SLC41A2: variants seen among roughly 807,000 people sequenced by gnomAD.
The protein encoded by SLC41A2 is SLC41A1-like 1.
In SLC41A2, 32 loss-of-function variants were observed where a neutral mutation model predicts 58.3. That is an observed-to-expected ratio of 0.55 (90% confidence interval 0.41 to 0.74). SLC41A2 has a LOEUF of 0.74. Among genes scored for constraint, SLC41A2 ranks in the 30% least tolerant of loss-of-function variants. SLC41A2 has a pLI of 0.00. For missense variants in SLC41A2, 514 were observed against 680.6 expected, an observed-to-expected ratio of 0.76 and a Z score of 2.72; for synonymous variants, 190 against 235.0, an observed-to-expected ratio of 0.81 and a Z score of 1.75.
chr12:104,924,491 TC>T (rs1403650789), intron 2 of SLC41A2, among the ~76,000 whole-genome samples: 14 of 152,198 alleles, frequency 9.2e-5, no homozygotes, highest in Non-Finnish European at 1.9e-4. Flanking sequence ...ACGCCTGTAA[TC>T]CCAGCACTTT....
chr12:104,833,452 A>G (rs1172311190), intron 10 of SLC41A2, among the ~76,000 whole-genome samples: 1 of 152,224 alleles, frequency 6.6e-6, no homozygotes, highest in Admixed American at 6.5e-5. Flanking sequence ...CAGAAGATCA[A>G]TAGTTGGCTC....
chr12:104,805,663 A>T (rs2040867320), intron 10 of SLC41A2, among the ~76,000 whole-genome samples: 1 of 152,208 alleles, frequency 6.6e-6, no homozygotes, highest in African/African-American at 2.4e-5. Context: ...AAACCTGTGA[A>T]AAAGGAAGAC....
At chr12:104,916,478 A>AAGTTCAT (rs2046326861) in intron 2 of SLC41A2, among the ~76,000 whole-genome samples, 2 of 152,124 alleles carry the variant, frequency 1.3e-5, no homozygotes, top group Admixed American at 1.3e-4. Context: ...AACTACTTTA[A>AAGTTCAT]AGTTCATATG....
At chr12:104,953,106 G>A (rs999274380) in intron 1 of SLC41A2, among the ~76,000 whole-genome samples, 1 of 152,276 alleles carries the variant, frequency 6.6e-6, no homozygotes, top group South Asian at 2.1e-4. Flanking sequence ...TGCCTGTCAC[G>A]TATTAGACAT....
At chr12:104,884,884 G>A (rs776043100) in intron 6 of SLC41A2, among the ~76,000 whole-genome samples, 3 of 152,148 alleles carry the variant, frequency 2.0e-5, no homozygotes, top group Non-Finnish European at 4.4e-5. Context: ...AGAATATTAA[G>A]CCACATTTTC....
intron 3 of SLC41A2, among the ~76,000 whole-genome samples, chr12:104,897,152 T>TC (rs1477720964): frequency 6.8e-6 from 1 of 147,688 alleles, no homozygotes; most frequent in Non-Finnish European, 1.5e-5. Context: ...TTCTTTTTTT[T>TC]TTTTTTTTTT....
At position 104,830,178 on chromosome 12, in the gene SLC41A2, C is replaced by A. The variant is rs112796294; in HGVS notation, c.1536+14294G>T. ...AGCTTTGGAGTAATATAAGGCTAAGCTCAAATCTTATTTATCACTTAACTA... is the reference window on the plus strand; with the variant it reads ...AGCTTTGGAGTAATATAAGGCTAAGATCAAATCTTATTTATCACTTAACTA... On this transcript the variant is annotated intron_variant, in intron 10 of 10. Transcript: ENST00000258538. Among the ~76,000 whole-genome samples, 315 of 152,270 alleles carry A rather than the reference C, an allele frequency of 2.1e-3. 1 individual carries two copies. The highest frequency in any genetic ancestry group is 3.2e-3 in the Non-Finnish European group (219 of 68,016).
At chr12:104,816,546 CACAGCAG>C (rs1400787889) in intron 10 of SLC41A2, among the ~76,000 whole-genome samples, 1 of 152,016 alleles carries the variant, frequency 6.6e-6, no homozygotes, top group Non-Finnish European at 1.5e-5. Flanking sequence ...TGGCACAGGG[CACAGCAG>C]ACAGGAGACA....
chr12:104,903,165 C>A (rs1360785391), intron 3 of SLC41A2, among the ~76,000 whole-genome samples: 1 of 152,150 alleles, frequency 6.6e-6, no homozygotes, highest in Admixed American at 6.5e-5. Flanking sequence ...TTCCCTGTTA[C>A]CATCTTGAAT....
chr12:104,809,026 T>A (rs1331416437), intron 10 of SLC41A2, among the ~76,000 whole-genome samples: 1 of 152,202 alleles, frequency 6.6e-6, no homozygotes, highest in Non-Finnish European at 1.5e-5. Flanking sequence ...ACAGCCCTTC[T>A]CTATTGTCTA....
chr12:104,858,477 T>C (rs1593009817), intron 8 of SLC41A2, among the ~76,000 whole-genome samples: 1 of 152,282 alleles, frequency 6.6e-6, no homozygotes, highest in Admixed American at 6.5e-5. Context: ...TAGTGGTAGG[T>C]ACTCACTAAA....
intron 1 of SLC41A2, among the ~76,000 whole-genome samples, chr12:104,950,984 C>T (rs1050521207): frequency 1.3e-5 from 2 of 152,152 alleles, no homozygotes; most frequent in African/African-American, 4.8e-5. Context: ...ATATCATTTT[C>T]ACTTTTTTTG....
At chr12:104,926,596 TA>T (rs536256905) in intron 2 of SLC41A2, among the ~76,000 whole-genome samples, 2,426 of 128,962 alleles carry the variant, frequency 0.019, 66 homozygotes, top group African/African-American at 0.064. Flanking sequence ...TTAAAAAAAA[TA>T]AAAAAAAAAA....
chr12:104,933,722 G>C (rs1254488082), intron 1 of SLC41A2, among the ~76,000 whole-genome samples: 1 of 151,416 alleles, frequency 6.6e-6, no homozygotes, highest in Non-Finnish European at 1.5e-5. Context: ...TATACACCAT[G>C]AAATACTGCT....
At chr12:104,957,030 T>G (rs1392479156) in intron 1 of SLC41A2, among the ~76,000 whole-genome samples, 2 of 152,154 alleles carry the variant, frequency 1.3e-5, no homozygotes, top group Non-Finnish European at 2.9e-5. Context: ...GCAATTGCCC[T>G]CCTAGGTATA....
intron 6 of SLC41A2, among the ~76,000 whole-genome samples, chr12:104,878,994 T>G (rs1204769220): frequency 6.6e-6 from 1 of 152,252 alleles, no homozygotes; most frequent in Non-Finnish European, 1.5e-5. Flanking sequence ...GACTTTTTAA[T>G]GACCGCCATT....
Position 104,844,580 on chromosome 12 carries a change from C to T in SLC41A2, c.1428G>A (p.Val476=). Residue 476 remains valine, a synonymous_variant, in exon 10 of 11, where the codon GTG becomes GTA. Coordinates refer to ENST00000258538, the MANE Select transcript of SLC41A2 (RefSeq NM_001352171.3). ...AGAGGAAAATTAAATGTCCAGGAAT[C>T]ACTAAAAGCAGTAGAACTTGAGCAG... The part of the protein sequence containing the change: ...NKSAQVLLLL[V]IPGHLIFLYT... 2 of 1,563,438 alleles carry T rather than the reference C, an allele frequency of 1.3e-6. No homozygotes were observed. The highest frequency in any genetic ancestry group is 1.7e-6 in the Non-Finnish European group (2 of 1,155,986).
chr12:104,878,969 C>G (rs1021143978), intron 6 of SLC41A2, among the ~76,000 whole-genome samples: 11 of 152,322 alleles, frequency 7.2e-5, no homozygotes, highest in East Asian at 5.8e-4. Flanking sequence ...TCCTCTCCAG[C>G]ACCTGTTGTT....
chr12:104,884,540 C>T (rs1444409989), intron 6 of SLC41A2, among the ~76,000 whole-genome samples: 6 of 152,188 alleles, frequency 3.9e-5, no homozygotes, highest in African/African-American at 1.4e-4. Flanking sequence ...CCCTCCATCC[C>T]TACCCCCACC....
Sources: gnomAD v4.1 joint callset for allele counts (sites outside exome capture counted in the v4.1 genomes callset) on GRCh38, gnomAD v4.1.1 for gene constraint, MANE v1.5 for transcripts, NCBI Gene and HGNC (gene_info 2026-07-23, HGNC 2026-07-21) for gene names.